COP1: variants seen among roughly 807,000 people sequenced by gnomAD.
COP1 encodes the protein E3 ubiquitin-protein ligase COP1.
COP1 carries 24 observed loss-of-function variants against 101.3 expected under a neutral mutation model. That is an observed-to-expected ratio of 0.24 (90% CI 0.17 to 0.33). COP1 has a LOEUF of 0.33. Among genes scored for constraint, COP1 ranks in the 10% least tolerant of loss-of-function variants. The pLI is 1.00. For missense variants in COP1, 663 were observed against 906.2 expected, an observed-to-expected ratio of 0.73 and a Z score of 3.45; for synonymous variants, 347 against 341.9, an observed-to-expected ratio of 1.01 and a Z score of -0.17.
At chr1:176,035,856 A>G (rs1343624346) in intron 14 of COP1, among the ~76,000 whole-genome samples, 1 of 152,108 alleles carries the variant, frequency 6.6e-6, no homozygotes, top group Non-Finnish European at 1.5e-5. Context: ...TTATCAAGGT[A>G]GTTCATATTC....
chr1:176,174,920 A>G (rs1314809178), intron 3 of COP1, among the ~76,000 whole-genome samples: 1 of 152,194 alleles, frequency 6.6e-6, no homozygotes, highest in Non-Finnish European at 1.5e-5. Flanking sequence ...ATCTTAGGGT[A>G]GTTAACATGC....
chr1:176,031,240 GA>G, intron 14 of COP1, among the ~76,000 whole-genome samples: 1 of 152,212 alleles, frequency 6.6e-6, no homozygotes, highest in South Asian at 2.1e-4. Flanking sequence ...CAAATATAAT[GA>G]AATAATATTG....
intron 11 of COP1, among the ~76,000 whole-genome samples, chr1:176,055,868 TTC>T (rs1673385160): frequency 6.6e-6 from 1 of 152,200 alleles, no homozygotes; most frequent in Non-Finnish European, 1.5e-5. Flanking sequence ...ACTTTGTTCT[TTC>T]TCTAATTTCT....
At chr1:175,978,419 T>C (rs1655059073) in intron 18 of COP1, among the ~76,000 whole-genome samples, 1 of 152,208 alleles carries the variant, frequency 6.6e-6, no homozygotes, top group Non-Finnish European at 1.5e-5. Flanking sequence ...CCAGAGGCTG[T>C]CCACACAGTA....
At chr1:176,072,418 C>T (rs978918406) in intron 11 of COP1, among the ~76,000 whole-genome samples, 4 of 152,196 alleles carry the variant, frequency 2.6e-5, no homozygotes, top group African/African-American at 9.6e-5. Context: ...GCCTAAAACA[C>T]AGCTTTAAAA....
At chr1:176,157,396 T>A (rs900067561) in intron 5 of COP1, among the ~76,000 whole-genome samples, 1 of 152,076 alleles carries the variant, frequency 6.6e-6, no homozygotes, top group Non-Finnish European at 1.5e-5. Context: ...CTGGCCAAAA[T>A]GGAGTAAAAG....
In COP1 at chr1:176,207,156, CG is replaced by C; in HGVS notation, c.-179del. On this transcript the variant is annotated 5_prime_UTR_variant, in exon 1 of 20. Transcript: ENST00000367669. Reference sequence around the variant, plus strand: ...AAGGCAGCCACACAACAGCGTCCCACGGGAGGGGGCGGAGGAAACTAAAAAA... The same window carrying C: ...AAGGCAGCCACACAACAGCGTCCCACGGAGGGGGCGGAGGAAACTAAAAAA... The C allele has an allele frequency of 2.2e-6, 1 of 451,434 alleles. No individual in the cohort carries two copies. The highest frequency in any genetic ancestry group is 6.1e-5 in the South Asian group (1 of 16,506). The allele number at this position is 451,434 out of a possible 1,614,324, so 28.0% of individuals were successfully genotyped here. A position where few individuals can be genotyped will look rare whatever the true frequency, so the allele number is the denominator to read the frequency against.
At chr1:175,982,545 T>C (rs756147128) in intron 18 of COP1, among the ~76,000 whole-genome samples, 1 of 152,218 alleles carries the variant, frequency 6.6e-6, no homozygotes, top group Non-Finnish European at 1.5e-5. Context: ...TTTTCTTTTG[T>C]CTAGCTTATG....
At chr1:176,150,787 GA>G (rs1427050810) in intron 5 of COP1, among the ~76,000 whole-genome samples, 1 of 152,092 alleles carries the variant, frequency 6.6e-6, no homozygotes, top group Non-Finnish European at 1.5e-5. Flanking sequence ...GAAAGAAGGA[GA>G]AAGTCCCCAA....
Position 176,116,733 on chromosome 1 carries a change from A to G in COP1, c.969-52T>C, listed in dbSNP as rs760916593. 6.8e-6 allele frequency: 9 copies of G among 1,324,010 alleles called. No homozygotes were observed. The South Asian group carries it at 1.1e-4, about 16-fold the overall frequency. The allele number at this position is 1,324,010 out of a possible 1,614,324, so 82.0% of individuals were successfully genotyped here. ...ATTTCAGTATTTACATTATTTTAAC[A>G]ACAGAAAAAGTAAATCTAAAGTATA... On this transcript the variant is annotated intron_variant, in intron 8 of 19. Coordinates refer to ENST00000367669, the MANE Select transcript of COP1 (RefSeq NM_022457.7).
intron 11 of COP1, among the ~76,000 whole-genome samples, chr1:176,064,630 G>A (rs796475971): frequency 1.3e-5 from 2 of 151,988 alleles, no homozygotes; most frequent in African/African-American, 2.4e-5. Context: ...AGCTCCATCC[G>A]CAGTGTTACG....
chr1:176,023,342 G>A (rs1667087697), intron 15 of COP1, among the ~76,000 whole-genome samples: 1 of 152,166 alleles, frequency 6.6e-6, no homozygotes, highest in Non-Finnish European at 1.5e-5. Context: ...CATTACTATT[G>A]ACAATACAGG....
chr1:176,174,463 C>T (rs1290048247), intron 3 of COP1, among the ~76,000 whole-genome samples: 1 of 152,154 alleles, frequency 6.6e-6, no homozygotes, highest in Non-Finnish European at 1.5e-5. Context: ...TGCCATAAAA[C>T]TTTAGCCACT....
At chr1:176,003,354 A>G (rs1257180889) in intron 15 of COP1, among the ~76,000 whole-genome samples, 1 of 152,036 alleles carries the variant, frequency 6.6e-6, no homozygotes, top group African/African-American at 2.4e-5. Flanking sequence ...CTTTAGTTTA[A>G]TTAGATCCCA....
At chr1:176,162,585 A>G (rs564963354) in intron 5 of COP1, among the ~76,000 whole-genome samples, 1 of 152,334 alleles carries the variant, frequency 6.6e-6, no homozygotes, top group Admixed American at 6.5e-5. Flanking sequence ...GATAACCAAC[A>G]AAACTATTTC....
chr1:176,101,852 G>T (rs958256483), intron 9 of COP1, among the ~76,000 whole-genome samples: 1 of 152,112 alleles, frequency 6.6e-6, no homozygotes, highest in Admixed American at 6.6e-5. Flanking sequence ...AGATCTGACT[G>T]CCATTTTCCC....
chr1:176,010,431 T>A (rs919171092), intron 15 of COP1, among the ~76,000 whole-genome samples: 1 of 152,262 alleles, frequency 6.6e-6, no homozygotes, highest in Non-Finnish European at 1.5e-5. Context: ...TTAGTTGCCA[T>A]GTCTCTGGCC....
At chr1:176,128,320 A>G (rs754989029) in intron 8 of COP1, among the ~76,000 whole-genome samples, 2 of 152,064 alleles carry the variant, frequency 1.3e-5, no homozygotes, top group Non-Finnish European at 2.9e-5. Context: ...AATTTTAATG[A>G]GAAATTACAG....
intron 9 of COP1, among the ~76,000 whole-genome samples, chr1:176,093,944 AC>A (rs1473664351): frequency 6.6e-6 from 1 of 151,964 alleles, no homozygotes; most frequent in Non-Finnish European, 1.5e-5. Context: ...AACCACTTTA[AC>A]CCAGGAAGCG....
Sources: gnomAD v4.1 joint callset for allele counts (sites outside exome capture counted in the v4.1 genomes callset) on GRCh38, gnomAD v4.1.1 for gene constraint, MANE v1.5 for transcripts, NCBI Gene and HGNC (gene_info 2026-07-23, HGNC 2026-07-21) for gene names.